Variants in THSD4 observed in about 807,000 individuals in gnomAD.
THSD4 encodes the protein thrombospondin type 1 domain containing 4.
In THSD4, 69 loss-of-function variants were observed where a neutral mutation model predicts 119.0. The ratio of observed to expected loss-of-function variants is 0.58; its 90% CI spans 0.48 to 0.71. The LOEUF is 0.71. THSD4 is among the 30% of genes least tolerant of loss of function. The probability of loss-of-function intolerance (pLI) is 0.00; values close to 1 mark genes in which losing one functional copy is unlikely to be tolerated. For missense variants in THSD4, 1,393 were observed against 1,391.1 expected (o/e 1.00, Z -0.02); for synonymous variants, 524 against 540.4 (o/e 0.97, Z 0.42).
intron 6 of THSD4, among the ~76,000 whole-genome samples, chr15:71,401,496 C>A (rs1037816983): frequency 6.6e-6 from 1 of 152,092 alleles, no homozygotes; most frequent in African/African-American, 2.4e-5. Context: ...ACCATTTTAG[C>A]TGTTCTTTTG....
chr15:71,744,980 G>C, intron 11 of THSD4, 126 bp from the exon 12 acceptor site: 1 of 1,228,474 alleles, frequency 8.1e-7, no homozygotes, highest in Non-Finnish European at 1.1e-6. Flanking sequence ...GTGCATGCAT[G>C]TGTGAATTGT....
chr15:71,197,721 G>C (rs1026794076), intron 3 of THSD4, among the ~76,000 whole-genome samples: 2 of 152,086 alleles, frequency 1.3e-5, no homozygotes, highest in Non-Finnish European at 2.9e-5. Context: ...CAAGAAGAAG[G>C]TCGCATCTGC....
intron 4 of THSD4, among the ~76,000 whole-genome samples, chr15:71,223,880 G>A (rs1210930713): frequency 6.6e-6 from 1 of 152,160 alleles, no homozygotes. Flanking sequence ...AGATGGGAAA[G>A]AGCTGGGAAA....
At chr15:71,346,868 C>CATTTTTT (rs1174470703) in intron 6 of THSD4, among the ~76,000 whole-genome samples, 1 of 86,010 alleles carries the variant, frequency 1.2e-5, no homozygotes, top group African/African-American at 4.8e-5. Flanking sequence ...TTTTCATTTT[C>CATTTTTT]TTTTTTTTTT....
intron 6 of THSD4, among the ~76,000 whole-genome samples, chr15:71,331,681 A>G (rs903910903): frequency 6.6e-6 from 1 of 152,154 alleles, no homozygotes; most frequent in Admixed American, 6.5e-5. Context: ...ACCTAGGGAA[A>G]TGGAGAAAGG....
chr15:71,372,838 C>T (rs1222600571), intron 6 of THSD4, among the ~76,000 whole-genome samples: 1 of 152,240 alleles, frequency 6.6e-6, no homozygotes, highest in Non-Finnish European at 1.5e-5. Context: ...GCAGAGGTTT[C>T]TGCCGCCTTT....
At position 71,777,540 on chromosome 15, in the gene THSD4, C is replaced by A; in HGVS notation, c.*166C>A. The A allele has an allele frequency of 1.1e-6, 1 of 884,128 alleles. No individual in the cohort carries two copies. The highest frequency in any genetic ancestry group is 1.8e-5 in the South Asian group (1 of 56,928). 54.8% of individuals were successfully genotyped at this position (884,128 alleles called of 1,614,324 possible). On this transcript the variant is annotated 3_prime_UTR_variant, in exon 18 of 18. Transcript: ENST00000261862. ...GAATGCACCCCGTGGTACCCAGGGGCTTTTTACACAAGATGTTTGAAAGCC... is the reference window on the plus strand; with the variant it reads ...GAATGCACCCCGTGGTACCCAGGGGATTTTTACACAAGATGTTTGAAAGCC...
chr15:71,535,347 C>T (rs999801654), intron 7 of THSD4, among the ~76,000 whole-genome samples: 11 of 152,106 alleles, frequency 7.2e-5, no homozygotes, highest in Non-Finnish European at 1.6e-4. Context: ...TTCTGTAGTG[C>T]GGATATACCA....
Position 71,352,872 on chromosome 15 carries a change from C to T in THSD4, c.1016-58815C>T, listed in dbSNP as rs991014334. 8.5e-5 allele frequency among the ~76,000 whole-genome samples: 13 copies of T among 152,108 alleles called. 1 individual carries two copies. The highest frequency in any genetic ancestry group is 3.9e-4 in the East Asian group (2 of 5,180). On this transcript the variant is annotated intron_variant, in intron 6 of 17. Transcript: ENST00000261862. ...GTCCTAATGGAATTGTCCATAGGGA[C>T]GGGACATGGGTGGAAGGACATTCTA...
At chr15:71,568,245 A>G (rs60260649) in intron 7 of THSD4, among the ~76,000 whole-genome samples, 36,668 of 152,038 alleles carry the variant, frequency 0.24, 4,785 homozygotes, top group South Asian at 0.32. Context: ...ATTCTTGCCC[A>G]TACATCAACC....
At chr15:71,523,698 A>T (rs1235631899) in intron 7 of THSD4, among the ~76,000 whole-genome samples, 1 of 152,170 alleles carries the variant, frequency 6.6e-6, no homozygotes, top group Non-Finnish European at 1.5e-5. Context: ...GAGCCATGGG[A>T]ATAAAGAGGA....
At chr15:71,199,573 A>AGT (rs780682298) in intron 3 of THSD4, among the ~76,000 whole-genome samples, 13 of 47,112 alleles carry the variant, frequency 2.8e-4, no homozygotes, top group African/African-American at 8.0e-4. Context: ...GTGTGTGTGT[A>AGT]GTGTGTGTGT....
chr15:71,758,437 C>A (rs2053580717), intron 15 of THSD4, among the ~76,000 whole-genome samples: 1 of 152,162 alleles, frequency 6.6e-6, no homozygotes, highest in African/African-American at 2.4e-5. Flanking sequence ...AAGTATGTAG[C>A]ACAGTGCCTG....
At chr15:71,752,783 C>A (rs1401842183) in intron 14 of THSD4, among the ~76,000 whole-genome samples, 2 of 152,214 alleles carry the variant, frequency 1.3e-5, no homozygotes, top group African/African-American at 4.8e-5. Flanking sequence ...CTGCTTCATT[C>A]TTCTTCAGCT....
At chr15:71,724,777 C>T (rs1336154983) in intron 8 of THSD4, among the ~76,000 whole-genome samples, 2 of 151,948 alleles carry the variant, frequency 1.3e-5, no homozygotes, top group East Asian at 1.9e-4. Context: ...TGAAGAGAGG[C>T]GGAGGAGGTT....
At chr15:71,685,110 C>A (rs147578560) in intron 8 of THSD4, among the ~76,000 whole-genome samples, 9 of 151,880 alleles carry the variant, frequency 5.9e-5, no homozygotes, top group Admixed American at 5.2e-4. Context: ...TCAAAAATGT[C>A]TTGGAGACCA....
chr15:71,366,228 C>T (rs1186486293), intron 6 of THSD4, among the ~76,000 whole-genome samples: 1 of 152,158 alleles, frequency 6.6e-6, no homozygotes, highest in Non-Finnish European at 1.5e-5. Context: ...CACCCGCCTC[C>T]ATGCCCGGCT....
intron 7 of THSD4, among the ~76,000 whole-genome samples, chr15:71,622,687 G>A (rs2050438954): frequency 6.6e-6 from 1 of 152,176 alleles, no homozygotes; most frequent in Non-Finnish European, 1.5e-5. Flanking sequence ...CAATGGAGAA[G>A]CTCAGAATAG....
At chr15:71,163,968 C>A (rs1488188468) in intron 3 of THSD4, among the ~76,000 whole-genome samples, 1 of 151,586 alleles carries the variant, frequency 6.6e-6, no homozygotes. Flanking sequence ...TTAGAACATA[C>A]TTTTCTATTA....
Sources: gnomAD v4.1 joint callset for allele counts (sites outside exome capture counted in the v4.1 genomes callset) on GRCh38, gnomAD v4.1.1 for gene constraint, MANE v1.5 for transcripts, NCBI Gene and HGNC (gene_info 2026-07-23, HGNC 2026-07-21) for gene names.